The following ADGRB3 variants were observed in gnomAD, a reference collection of about 807,000 sequenced individuals.
ADGRB3 encodes adhesion G protein-coupled receptor B3.
ADGRB3 carries 37 observed loss-of-function variants against 193.4 expected under a neutral mutation model. That is an observed-to-expected ratio of 0.19 (90% CI 0.15 to 0.25). The LOEUF (loss-of-function observed/expected upper bound fraction) is 0.25. ADGRB3 is among the 10% of genes least tolerant of loss of function. The pLI is 1.00. For missense variants in ADGRB3, 1,637 were observed against 1,852.9 expected, an observed-to-expected ratio of 0.88 and a Z score of 2.14; for synonymous variants, 690 against 644.2, an observed-to-expected ratio of 1.07 and a Z score of -1.08.
At chr6:68,905,825 A>G (rs1179873627) in intron 3 of ADGRB3, among the ~76,000 whole-genome samples, 1 of 152,088 alleles carries the variant, frequency 6.6e-6, no homozygotes, top group Non-Finnish European at 1.5e-5. Context: ...CTCTTCTTTC[A>G]TAGGGTTGTA....
At chr6:68,894,645 A>G (rs1415259825) in intron 3 of ADGRB3, among the ~76,000 whole-genome samples, 5 of 151,970 alleles carry the variant, frequency 3.3e-5, no homozygotes, top group African/African-American at 1.2e-4. Context: ...GTATAGAAAA[A>G]AAATTGCATT....
chr6:68,668,887 G>A (rs891793547), intron 3 of ADGRB3, among the ~76,000 whole-genome samples: 1 of 151,858 alleles, frequency 6.6e-6, no homozygotes, highest in Non-Finnish European at 1.5e-5. Flanking sequence ...CCCCAAAGTT[G>A]ATCAGGTTCT....
intron 3 of ADGRB3, among the ~76,000 whole-genome samples, chr6:68,835,983 C>T (rs1768037890): frequency 6.6e-6 from 1 of 152,114 alleles, no homozygotes; most frequent in Non-Finnish European, 1.5e-5. Context: ...AGGAGACCAC[C>T]TCTACTCTTG....
At chr6:69,047,207 C>A (rs1771263099) in intron 13 of ADGRB3, among the ~76,000 whole-genome samples, 1 of 152,156 alleles carries the variant, frequency 6.6e-6, no homozygotes, top group African/African-American at 2.4e-5. Flanking sequence ...TTACAATTGT[C>A]TGCATCATGT....
chr6:69,331,584 A>C, intron 23 of ADGRB3: 2 of 985,364 alleles, frequency 2.0e-6, no homozygotes, highest in Non-Finnish European at 2.4e-6. Context: ...ACTGTCTATA[A>C]TTTGCAAGAA....
At chr6:69,075,645 TAAAG>T (rs748914030) in intron 16 of ADGRB3, among the ~76,000 whole-genome samples, 31 of 152,244 alleles carry the variant, frequency 2.0e-4, no homozygotes, top group Non-Finnish European at 2.8e-4. Context: ...ACTGTAATCT[TAAAG>T]AAAGTAATCT....
At chr6:68,748,272 T>G (rs928610854) in intron 3 of ADGRB3, among the ~76,000 whole-genome samples, 1 of 152,042 alleles carries the variant, frequency 6.6e-6, no homozygotes, top group Non-Finnish European at 1.5e-5. Flanking sequence ...AACCCAAAAG[T>G]CCACAGTCCA....
At chr6:68,980,593 A>G (rs1768881266) in intron 10 of ADGRB3, among the ~76,000 whole-genome samples, 1 of 151,588 alleles carries the variant, frequency 6.6e-6, no homozygotes, top group African/African-American at 2.4e-5. Flanking sequence ...CAATACCATC[A>G]TAGGTCTCGT....
At chr6:68,772,897 ATATATATATAT>A (rs1766662747) in intron 3 of ADGRB3, among the ~76,000 whole-genome samples, 3 of 12,352 alleles carry the variant, frequency 2.4e-4, no homozygotes, top group African/African-American at 5.2e-4. Flanking sequence ...AAAAAAAAAT[ATATATATATAT>A]ATATATATAT....
chr6:68,666,410 A>G (rs1299727588), intron 3 of ADGRB3, among the ~76,000 whole-genome samples: 1 of 151,870 alleles, frequency 6.6e-6, no homozygotes, highest in Non-Finnish European at 1.5e-5. Context: ...CCCATTTAGA[A>G]GAGAGTTGAA....
At position 68,784,685 on chromosome 6, in the gene ADGRB3, G is replaced by A. The variant is rs148130919; in HGVS notation, c.757+145253G>A. Among the ~76,000 whole-genome samples, 353 of 152,146 alleles carry A rather than the reference G, an allele frequency of 2.3e-3. 1 individual carries two copies. The highest frequency in any genetic ancestry group is 8.1e-3 in the African/African-American group (335 of 41,526). ...TCACCTTGTTTCCATTATGCTGCAA[G>A]GTGCTTTAAAGGTAGAAATGCATTT... On this transcript the variant is annotated intron_variant, in intron 3 of 31. Transcript: ENST00000370598.
intron 11 of ADGRB3, among the ~76,000 whole-genome samples, chr6:69,010,265 A>C (rs1769893988): frequency 6.6e-6 from 1 of 152,016 alleles, no homozygotes; most frequent in Non-Finnish European, 1.5e-5. Context: ...TCTTAGAAAG[A>C]AGAGACTTCT....
At chr6:68,938,355 A>G (rs1456104669) in intron 5 of ADGRB3, among the ~76,000 whole-genome samples, 2 of 151,752 alleles carry the variant, frequency 1.3e-5, no homozygotes, top group Admixed American at 6.6e-5. Context: ...AGTAGAAGTA[A>G]GGACCAGGGG....
chr6:68,956,855 GAA>G (rs3215965), intron 8 of ADGRB3, 46 bp downstream of exon 8: 110 of 1,486,454 alleles, frequency 7.4e-5, no homozygotes, highest in Admixed American at 2.1e-4. Context: ...TTCATAACGT[GAA>G]AAAAAAAAGA....
Position 68,907,121 on chromosome 6 carries a change from A to G in ADGRB3, c.758-23438A>G, listed in dbSNP as rs188283224. 4.9e-4 allele frequency among the ~76,000 whole-genome samples: 74 copies of G among 152,112 alleles called. 1 individual carries two copies. Among genetic ancestry groups the G allele is most frequent in the African/African-American group, 1.7e-3 (70 of 41,582 alleles). On this transcript the variant is annotated intron_variant, in intron 3 of 31. Transcript: ENST00000370598. The stretch of plus-strand genomic sequence containing the variant: ...CACTCAGTAATTCGGATTCAAATTT[A>G]TAGTTATGCTCCCAATAGCTTTAGC...
intron 3 of ADGRB3, among the ~76,000 whole-genome samples, chr6:68,673,845 A>G (rs1375553010): frequency 1.3e-5 from 2 of 152,152 alleles, no homozygotes; most frequent in Non-Finnish European, 2.9e-5. Flanking sequence ...TTGTCCTGGG[A>G]CAAATCTTTG....
chr6:68,835,211 C>T (rs1186935987), intron 3 of ADGRB3, among the ~76,000 whole-genome samples: 4 of 152,006 alleles, frequency 2.6e-5, no homozygotes, highest in African/African-American at 4.8e-5. Flanking sequence ...TCCATATATT[C>T]GCTGCATTCT....
At chr6:68,922,479 C>G (rs1309798480) in intron 3 of ADGRB3, among the ~76,000 whole-genome samples, 1 of 152,210 alleles carries the variant, frequency 6.6e-6, no homozygotes, top group Admixed American at 6.5e-5. Flanking sequence ...AACGAAACAA[C>G]TCTTATGTTA....
At chr6:69,075,063 A>C (rs565726739) in intron 16 of ADGRB3, among the ~76,000 whole-genome samples, 2 of 152,304 alleles carry the variant, frequency 1.3e-5, no homozygotes, top group South Asian at 4.1e-4. Flanking sequence ...AGTCTACCCA[A>C]ATATCTAATA....
Sources: allele counts gnomAD v4.1 joint callset (sites outside exome capture counted in the v4.1 genomes callset), GRCh38; gene constraint gnomAD v4.1.1; transcripts MANE v1.5; gene names NCBI Gene and HGNC (gene_info 2026-07-23, HGNC 2026-07-21).